Variants in CCBE1 observed in about 807,000 individuals in gnomAD.
CCBE1 encodes the protein collagen and calcium-binding EGF domain-containing protein 1.
In CCBE1, 37 loss-of-function variants were observed where a neutral mutation model predicts 50.0. The ratio of observed to expected loss-of-function variants is 0.74; its 90% CI spans 0.57 to 0.97. The LOEUF (loss-of-function observed/expected upper bound fraction) is 0.97, where lower values mean the gene tolerates loss of function less well. CCBE1 is among the 50% of genes least tolerant of loss of function. The pLI, the probability that CCBE1 is intolerant of heterozygous loss-of-function variation, is 0.00. For missense variants in CCBE1, 538 were observed against 523.8 expected, an observed-to-expected ratio of 1.03 and a Z score of -0.26; for synonymous variants, 234 against 203.7, an observed-to-expected ratio of 1.15 and a Z score of -1.27.
intron 3 of CCBE1, among the ~76,000 whole-genome samples, chr18:59,475,976 C>T (rs1238441941): frequency 1.3e-5 from 2 of 152,222 alleles, no homozygotes; most frequent in East Asian, 3.9e-4. Context: ...GCCTTGGCCT[C>T]CCAAGTGTTG....
At chr18:59,635,567 G>A (rs950701178) in intron 2 of CCBE1, among the ~76,000 whole-genome samples, 3 of 151,876 alleles carry the variant, frequency 2.0e-5, no homozygotes, top group Non-Finnish European at 4.4e-5. Context: ...CAATAGAAAG[G>A]GATGATCAAA....
intron 2 of CCBE1, among the ~76,000 whole-genome samples, chr18:59,589,790 C>CAAAAA (rs752546235): frequency 2.0e-3 from 143 of 72,876 alleles, no homozygotes; most frequent in Middle Eastern, 0.012. Context: ...GACTCCATCT[C>CAAAAA]AAAAAAAAAA....
intron 2 of CCBE1, among the ~76,000 whole-genome samples, chr18:59,589,280 G>C (rs888722726): frequency 2.6e-5 from 4 of 152,152 alleles, no homozygotes; most frequent in African/African-American, 9.7e-5. Context: ...GTGATAGAAA[G>C]CTTAAACTCA....
At chr18:59,534,902 C>T (rs995226564) in intron 2 of CCBE1, among the ~76,000 whole-genome samples, 2 of 152,146 alleles carry the variant, frequency 1.3e-5, no homozygotes, top group Non-Finnish European at 2.9e-5. Context: ...AGTAATGGTG[C>T]CAAGGCTTAG....
intron 2 of CCBE1, among the ~76,000 whole-genome samples, chr18:59,675,158 G>A (rs565996103): frequency 6.6e-6 from 1 of 152,170 alleles, no homozygotes; most frequent in African/African-American, 2.4e-5. Context: ...GCTGCCCAAA[G>A]TGTCACTAGT....
intron 2 of CCBE1, among the ~76,000 whole-genome samples, chr18:59,646,181 T>C (rs1389320257): frequency 2.0e-5 from 3 of 152,220 alleles, no homozygotes; most frequent in Non-Finnish European, 4.4e-5. Context: ...AAGTTGCATG[T>C]GAGTCCACTG....
At position 59,595,114 on chromosome 18, in the gene CCBE1, CAAA is replaced by C. The variant is rs546035209; in HGVS notation, c.212+101512_212+101514del. Among the ~76,000 whole-genome samples the C allele has an allele frequency of 1.9e-4, 14 of 73,564 alleles. 1 individual carries two copies. The highest frequency in any genetic ancestry group is 5.8e-4 in the African/African-American group (13 of 22,504). 48.3% of individuals were successfully genotyped at this position (73,564 alleles called of 152,430 possible). A position where few individuals can be genotyped will look rare whatever the true frequency, so the allele number is the denominator to read the frequency against. On this transcript the variant is annotated intron_variant, in intron 2 of 10. Coordinates refer to ENST00000439986, the MANE Select transcript of CCBE1 (RefSeq NM_133459.4). ...CTGGCAACAGAGCGAGACTCTGTCT[CAAA>C]AAAAAAAAAAAAAAAATCCATTCTC...
At chr18:59,454,799 G>T in intron 6 of CCBE1, 52 bp downstream of exon 6, 2 of 1,473,084 alleles carry the variant, frequency 1.4e-6, no homozygotes, top group Non-Finnish European at 9.5e-7. Flanking sequence ...CCTGGCCTTG[G>T]CCAAGCCCTC....
intron 2 of CCBE1, among the ~76,000 whole-genome samples, chr18:59,578,078 T>C (rs2053025380): frequency 6.6e-6 from 1 of 152,178 alleles, no homozygotes; most frequent in African/African-American, 2.4e-5. Flanking sequence ...AAAGGGCTAA[T>C]ATTTAGAATC....
chr18:59,546,922 AAAG>A (rs1915707238), intron 2 of CCBE1, among the ~76,000 whole-genome samples: 1 of 151,982 alleles, frequency 6.6e-6, no homozygotes, highest in African/African-American at 2.4e-5. Context: ...AAACAGATTA[AAAG>A]AAGAAAGGTA....
At chr18:59,463,865 G>A (rs949679378) in intron 5 of CCBE1, among the ~76,000 whole-genome samples, 1 of 152,200 alleles carries the variant, frequency 6.6e-6, no homozygotes, top group Non-Finnish European at 1.5e-5. Flanking sequence ...CAATGGACTT[G>A]CCAGGCTGGG....
intron 2 of CCBE1, among the ~76,000 whole-genome samples, chr18:59,520,452 C>T (rs1224712556): frequency 6.6e-6 from 1 of 152,174 alleles, no homozygotes; most frequent in African/African-American, 2.4e-5. Flanking sequence ...GTTATGTTGA[C>T]CTCTTTGATT....
At chr18:59,613,726 C>T (rs1313937438) in intron 2 of CCBE1, among the ~76,000 whole-genome samples, 1 of 151,480 alleles carries the variant, frequency 6.6e-6, no homozygotes, top group Non-Finnish European at 1.5e-5. Flanking sequence ...TAGTGAGACC[C>T]CATCTTTATT....
At chr18:59,572,824 T>C (rs2052933597) in intron 2 of CCBE1, among the ~76,000 whole-genome samples, 1 of 152,110 alleles carries the variant, frequency 6.6e-6, no homozygotes. Context: ...CATTAAAGAG[T>C]ATACGTGTGT....
At chr18:59,591,676 A>T (rs1406367689) in intron 2 of CCBE1, among the ~76,000 whole-genome samples, 1 of 152,182 alleles carries the variant, frequency 6.6e-6, no homozygotes, top group Admixed American at 6.5e-5. Flanking sequence ...GGCTGTAGAG[A>T]AACAGGCACA....
At chr18:59,472,964 A>G (rs889673369) in intron 3 of CCBE1, among the ~76,000 whole-genome samples, 1 of 152,140 alleles carries the variant, frequency 6.6e-6, no homozygotes, top group African/African-American at 2.4e-5. Context: ...ACTTACCACC[A>G]TGAGAACAGT....
intron 2 of CCBE1, among the ~76,000 whole-genome samples, chr18:59,625,039 C>T (rs1290789916): frequency 1.3e-5 from 2 of 152,206 alleles, no homozygotes; most frequent in African/African-American, 2.4e-5. Context: ...GCTTCTCAGG[C>T]GTTTCTAATA....
At chr18:59,554,475 T>G (rs551986805) in intron 2 of CCBE1, among the ~76,000 whole-genome samples, 1 of 152,160 alleles carries the variant, frequency 6.6e-6, no homozygotes, top group Admixed American at 6.5e-5. Flanking sequence ...ACAGACAAGG[T>G]GTTTCTTGAT....
At chr18:59,438,840 G>A (rs896173601) in intron 9 of CCBE1, among the ~76,000 whole-genome samples, 8 of 152,300 alleles carry the variant, frequency 5.3e-5, no homozygotes, top group Middle Eastern at 3.4e-3. Flanking sequence ...GGATGTCAGT[G>A]CAAGAGGTAG....
Sources: allele counts gnomAD v4.1 joint callset (sites outside exome capture counted in the v4.1 genomes callset), GRCh38; gene constraint gnomAD v4.1.1; transcripts MANE v1.5; gene names NCBI Gene and HGNC (gene_info 2026-07-23, HGNC 2026-07-21).